PITPNC1: variants seen among roughly 807,000 people sequenced by gnomAD.
The protein encoded by PITPNC1 is cytoplasmic phosphatidylinositol transfer protein 1.
In PITPNC1, 18 loss-of-function variants were observed where a neutral mutation model predicts 44.7. The observed-to-expected ratio is 0.40, with a 90% CI of 0.28 to 0.60. The LOEUF is 0.60. Ranked by LOEUF, PITPNC1 falls within the 20% of genes least tolerant of loss-of-function variation. The pLI is 0.39. For synonymous variants in PITPNC1, 141 were observed against 149.6 expected (o/e 0.94, Z 0.42); for missense variants, 290 against 418.4 (o/e 0.69, Z 2.68).
At chr17:67,531,970 G>A (rs1354725724) in intron 1 of PITPNC1, among the ~76,000 whole-genome samples, 1 of 152,188 alleles carries the variant, frequency 6.6e-6, no homozygotes, top group Non-Finnish European at 1.5e-5. Flanking sequence ...AGAAATGCCT[G>A]CTGGTCCCAG....
intron 1 of PITPNC1, among the ~76,000 whole-genome samples, chr17:67,518,712 A>C (rs550724266): frequency 1.6e-3 from 240 of 152,286 alleles, no homozygotes; most frequent in Non-Finnish European, 2.7e-3. Context: ...TGTAATCCCA[A>C]TACTTTGGGA....
chr17:67,473,782 G>A (rs1483132114), intron 1 of PITPNC1, among the ~76,000 whole-genome samples: 1 of 152,086 alleles, frequency 6.6e-6, no homozygotes, highest in Non-Finnish European at 1.5e-5. Flanking sequence ...GCCTATGCAG[G>A]TATCCTGTTT....
chr17:67,430,163 C>T (rs536622713), intron 1 of PITPNC1, among the ~76,000 whole-genome samples: 5 of 152,274 alleles, frequency 3.3e-5, no homozygotes, highest in African/African-American at 9.6e-5. Context: ...TAGATGGTAA[C>T]GTCTTTTCTC....
rs571989237 is a variant in PITPNC1 at position 67,614,686 on chromosome 17, T to A, written c.367-17457T>A. 4.2e-3 allele frequency among the ~76,000 whole-genome samples: 619 copies of A among 146,480 alleles called. 2 individuals carry two copies. The highest frequency in any genetic ancestry group is 8.6e-3 in the African/African-American group (341 of 39,762). On this transcript the variant is annotated intron_variant, in intron 5 of 8. Transcript: ENST00000581322. ...GACTCCGTCTCAAAAAAAAAAAAAA[T>A]AAATATATAAAATAAATAAAAATAA... is the stretch of plus-strand genomic sequence containing the variant.
intron 8 of PITPNC1, among the ~76,000 whole-genome samples, chr17:67,691,702 T>G (rs546105978): frequency 3.9e-5 from 6 of 152,138 alleles, no homozygotes; most frequent in Non-Finnish European, 7.4e-5. Context: ...GTATATGTAT[T>G]GATTAAGAAG....
intron 1 of PITPNC1, among the ~76,000 whole-genome samples, chr17:67,394,313 G>A (rs1015086555): frequency 5.9e-5 from 9 of 152,138 alleles, no homozygotes; most frequent in Admixed American, 5.9e-4. Context: ...ACAGGCATGA[G>A]CCACCAAGCC....
chr17:67,615,946 C>G (rs957265593), intron 5 of PITPNC1, among the ~76,000 whole-genome samples: 1 of 152,120 alleles, frequency 6.6e-6, no homozygotes, highest in Non-Finnish European at 1.5e-5. Context: ...GAGGAGAATT[C>G]GGACTGAGGC....
At chr17:67,665,845 C>CTTT (rs11290420) in intron 6 of PITPNC1, among the ~76,000 whole-genome samples, 1 of 135,740 alleles carries the variant, frequency 7.4e-6, no homozygotes, top group Non-Finnish European at 1.6e-5. Context: ...CACTGAAGTA[C>CTTT]TTTTTTTTTT....
intron 1 of PITPNC1, among the ~76,000 whole-genome samples, chr17:67,452,512 T>TG (rs1336448782): frequency 1.4e-5 from 2 of 140,790 alleles, no homozygotes; most frequent in East Asian, 2.2e-4. Context: ...GTGGAATTGC[T>TG]GGGGTTTTTT....
At chr17:67,554,161 C>T (rs2040803607) in intron 4 of PITPNC1, among the ~76,000 whole-genome samples, 2 of 151,954 alleles carry the variant, frequency 1.3e-5, no homozygotes, top group Admixed American at 1.3e-4. Context: ...AAAGACAGAA[C>T]CTATAATATC....
chr17:67,582,822 AG>A (rs1173124557), intron 5 of PITPNC1, among the ~76,000 whole-genome samples: 1 of 152,208 alleles, frequency 6.6e-6, no homozygotes, highest in Non-Finnish European at 1.5e-5. Context: ...TGTTTATCCA[AG>A]GCCATAAATC....
At chr17:67,407,388 T>TA (rs1433049939) in intron 1 of PITPNC1, among the ~76,000 whole-genome samples, 1 of 152,224 alleles carries the variant, frequency 6.6e-6, no homozygotes, top group Admixed American at 6.5e-5. Flanking sequence ...AAAACTTCCT[T>TA]ATATGTTCTC....
At chr17:67,458,351 T>C (rs2039285595) in intron 1 of PITPNC1, among the ~76,000 whole-genome samples, 1 of 152,240 alleles carries the variant, frequency 6.6e-6, no homozygotes, top group Non-Finnish European at 1.5e-5. Flanking sequence ...TCTATGCCCT[T>C]AGTTATTCTT....
At chr17:67,624,032 C>T (rs1026075663) in intron 5 of PITPNC1, among the ~76,000 whole-genome samples, 4 of 152,050 alleles carry the variant, frequency 2.6e-5, no homozygotes, top group South Asian at 4.1e-4. Context: ...CCACACAGCA[C>T]GTAATAGTTC....
chr17:67,486,892 G>C (rs2039785491), intron 1 of PITPNC1, among the ~76,000 whole-genome samples: 1 of 151,984 alleles, frequency 6.6e-6, no homozygotes, highest in Non-Finnish European at 1.5e-5. Flanking sequence ...AATTAGCTGA[G>C]CGTGGTGGTG....
chr17:67,504,777 T>C (rs1440460227), intron 1 of PITPNC1, among the ~76,000 whole-genome samples: 3 of 152,226 alleles, frequency 2.0e-5, no homozygotes, highest in African/African-American at 4.8e-5. Flanking sequence ...AATTAATTAA[T>C]TTAGGTTTGA....
chr17:67,639,373 C>T (rs2042068613), intron 6 of PITPNC1, among the ~76,000 whole-genome samples: 3 of 152,192 alleles, frequency 2.0e-5, no homozygotes, highest in Admixed American at 1.3e-4. Context: ...CTCAAAGGTC[C>T]TGTCTTCTAC....
In PITPNC1 at chr17:67,378,101, G is replaced by C; in HGVS notation, c.-54G>C. On this transcript the variant is annotated 5_prime_UTR_variant, in exon 1 of 9. Transcript: ENST00000581322. Reference sequence around the variant, plus strand: ...CCTGCGCCTGGGCAGCAGCCTTGCTGGTCTTGGGGGCGCCCCCCGCTTCCC... The same window carrying C: ...CCTGCGCCTGGGCAGCAGCCTTGCTCGTCTTGGGGGCGCCCCCCGCTTCCC... 1 of 1,354,210 alleles carries C rather than the reference G, an allele frequency of 7.4e-7. No homozygotes were observed. The highest frequency in any genetic ancestry group is 1.3e-5 in the South Asian group (1 of 74,938). 83.9% of individuals were successfully genotyped at this position (1,354,210 alleles called of 1,614,324 possible).
intron 1 of PITPNC1, among the ~76,000 whole-genome samples, chr17:67,450,042 A>G (rs2039153665): frequency 6.6e-6 from 1 of 152,232 alleles, no homozygotes; most frequent in Non-Finnish European, 1.5e-5. Context: ...AGATAAGCGC[A>G]GTAGCCAGTG....
Sources: allele counts gnomAD v4.1 joint callset (sites outside exome capture counted in the v4.1 genomes callset), GRCh38; gene constraint gnomAD v4.1.1; transcripts MANE v1.5; gene names NCBI Gene and HGNC (gene_info 2026-07-23, HGNC 2026-07-21).